RALYL: variants seen among roughly 807,000 people sequenced by gnomAD.
RALYL encodes the protein RALY RNA binding protein like, also known as RNA-binding Raly-like protein.
In RALYL, 29 loss-of-function variants were observed where a neutral mutation model predicts 35.1. That is an observed-to-expected ratio of 0.83 (90% CI 0.61 to 1.13). The LOEUF (loss-of-function observed/expected upper bound fraction) is 1.13. Ranked by LOEUF, RALYL falls within the 50% of genes most tolerant of loss-of-function variation. The probability of loss-of-function intolerance (pLI) is 0.00; values close to 1 mark genes in which losing one functional copy is unlikely to be tolerated. For missense variants in RALYL, 359 were observed against 360.4 expected (o/e 1.00, Z 0.03); for synonymous variants, 120 against 127.6 (o/e 0.94, Z 0.40).
chr8:84,507,428 A>G (rs925684279), intron 1 of RALYL, among the ~76,000 whole-genome samples: 2 of 152,092 alleles, frequency 1.3e-5, no homozygotes, highest in African/African-American at 2.4e-5. Flanking sequence ...CAACGCCCAG[A>G]AATTGTGGTT....
chr8:84,570,934 C>G (rs1264253798), intron 2 of RALYL, among the ~76,000 whole-genome samples: 2 of 151,800 alleles, frequency 1.3e-5, no homozygotes, highest in East Asian at 3.9e-4. Context: ...ATAAAACCCA[C>G]TTGACCATGA....
At chr8:84,790,511 G>A (rs1186379821) in intron 3 of RALYL, among the ~76,000 whole-genome samples, 2 of 152,034 alleles carry the variant, frequency 1.3e-5, no homozygotes, top group Non-Finnish European at 2.9e-5. Flanking sequence ...TAATGGATCT[G>A]GTGCAGAAGG....
intron 3 of RALYL, among the ~76,000 whole-genome samples, chr8:84,784,198 A>G (rs1402440599): frequency 1.3e-5 from 2 of 152,188 alleles, no homozygotes; most frequent in Non-Finnish European, 2.9e-5. Context: ...CACAGTCTTC[A>G]CACATGCAGA....
At chr8:84,514,109 A>G (rs913236092) in intron 1 of RALYL, among the ~76,000 whole-genome samples, 5 of 141,872 alleles carry the variant, frequency 3.5e-5, no homozygotes, top group African/African-American at 1.0e-4. Context: ...AAAAAAAAAA[A>G]AAAAAAGAAA....
chr8:84,695,657 A>G (rs1434336841), intron 2 of RALYL, among the ~76,000 whole-genome samples: 1 of 151,850 alleles, frequency 6.6e-6, no homozygotes, highest in Non-Finnish European at 1.5e-5. Context: ...TGTTGCATGA[A>G]GTAATGAGGT....
chr8:84,319,561 G>A (rs1844400731), intron 1 of RALYL, among the ~76,000 whole-genome samples: 1 of 152,192 alleles, frequency 6.6e-6, no homozygotes, highest in East Asian at 1.9e-4. Flanking sequence ...TAAAGTTATT[G>A]CAGATACCAG....
chr8:84,516,883 A>G (rs968448133), intron 1 of RALYL, among the ~76,000 whole-genome samples: 1 of 152,132 alleles, frequency 6.6e-6, no homozygotes, highest in Non-Finnish European at 1.5e-5. Flanking sequence ...TGTGAGTGTA[A>G]TTTACTGTTT....
chr8:84,755,901 T>G (rs1585985345), intron 2 of RALYL, among the ~76,000 whole-genome samples: 1 of 151,186 alleles, frequency 6.6e-6, no homozygotes, highest in East Asian at 1.9e-4. Context: ...TCTTACCAAG[T>G]GTTCTTGACA....
intron 2 of RALYL, among the ~76,000 whole-genome samples, chr8:84,558,908 T>C (rs2061307588): frequency 6.6e-6 from 1 of 152,132 alleles, no homozygotes; most frequent in African/African-American, 2.4e-5. Flanking sequence ...CTTTGTCCTC[T>C]GCACTGTACC....
At chr8:84,919,359 TATTC>T (rs1848962242) in intron 8 of RALYL, among the ~76,000 whole-genome samples, 1 of 152,090 alleles carries the variant, frequency 6.6e-6, no homozygotes, top group South Asian at 2.1e-4. Context: ...TTTTTTAAGT[TATTC>T]ATTCTCATAA....
At chr8:84,425,219 C>T (rs576212213) in intron 1 of RALYL, among the ~76,000 whole-genome samples, 2 of 152,148 alleles carry the variant, frequency 1.3e-5, no homozygotes, top group South Asian at 4.1e-4. Flanking sequence ...GGGCATAGGA[C>T]CCTCCGAGCC....
intron 8 of RALYL, among the ~76,000 whole-genome samples, chr8:84,911,920 A>T (rs1430977955): frequency 2.0e-5 from 3 of 152,150 alleles, no homozygotes; most frequent in Non-Finnish European, 4.4e-5. Context: ...GGTTTTGAGC[A>T]CAGGAGCTTC....
chr8:84,802,752 C>T (rs913655107), intron 3 of RALYL, among the ~76,000 whole-genome samples: 1 of 152,170 alleles, frequency 6.6e-6, no homozygotes, highest in Non-Finnish European at 1.5e-5. Flanking sequence ...TGGTGCAATG[C>T]AGTACTTGCC....
chr8:84,694,667 A>G (rs1471796520), intron 2 of RALYL, among the ~76,000 whole-genome samples: 1 of 151,900 alleles, frequency 6.6e-6, no homozygotes, highest in Non-Finnish European at 1.5e-5. Flanking sequence ...AACAAAAAGA[A>G]CACAGCTGGA....
intron 1 of RALYL, among the ~76,000 whole-genome samples, chr8:84,493,670 G>C (rs980804490): frequency 5.9e-5 from 9 of 152,104 alleles, no homozygotes; most frequent in African/African-American, 2.2e-4. Context: ...GATAAGTGCT[G>C]TTGAGTACTT....
intron 6 of RALYL, among the ~76,000 whole-genome samples, chr8:84,868,367 A>T (rs1008864721): frequency 6.6e-6 from 1 of 152,046 alleles, no homozygotes; most frequent in Non-Finnish European, 1.5e-5. Flanking sequence ...TAATTTCCTT[A>T]TTTTTTGTGG....
At chr8:84,412,676 T>G (rs2044221213) in intron 1 of RALYL, among the ~76,000 whole-genome samples, 1 of 152,046 alleles carries the variant, frequency 6.6e-6, no homozygotes, top group South Asian at 2.1e-4. Context: ...CTGCAATCTC[T>G]CTCAAATAAC....
chr8:84,378,162 T>A (rs1408661281), intron 1 of RALYL, among the ~76,000 whole-genome samples: 1 of 151,938 alleles, frequency 6.6e-6, no homozygotes, highest in Non-Finnish European at 1.5e-5. Context: ...AGGTAACATT[T>A]ATGCTTATAT....
At chr8:84,643,547 A>C (rs546231792) in intron 2 of RALYL, among the ~76,000 whole-genome samples, 16 of 152,162 alleles carry the variant, frequency 1.1e-4, no homozygotes, top group African/African-American at 3.9e-4. Flanking sequence ...ATGAGCAGCC[A>C]GCATTCACAG....
Sources: gnomAD v4.1 joint callset for allele counts (sites outside exome capture counted in the v4.1 genomes callset) on GRCh38, gnomAD v4.1.1 for gene constraint, MANE v1.5 for transcripts, NCBI Gene and HGNC (gene_info 2026-07-23, HGNC 2026-07-21) for gene names.